The following HIVEP3 variants were observed in gnomAD, a reference collection of about 807,000 sequenced individuals.
HIVEP3 encodes the protein HIVEP zinc finger 3.
HIVEP3 carries 49 observed loss-of-function variants against 152.8 expected under a neutral mutation model. The ratio of observed to expected loss-of-function variants is 0.32; its 90% CI spans 0.26 to 0.41. HIVEP3 has a LOEUF of 0.41. Ranked by LOEUF, HIVEP3 falls within the 10% of genes least tolerant of loss-of-function variation. HIVEP3 has a pLI of 1.00. For missense variants in HIVEP3, 2,790 were observed against 3,103.3 expected (o/e 0.90, Z 2.40); for synonymous variants, 1,269 against 1,289.0 (o/e 0.98, Z 0.33).
chr1:41,977,285 C>T (rs1645265243), intron 1 of HIVEP3, among the ~76,000 whole-genome samples: 2 of 152,292 alleles, frequency 1.3e-5, no homozygotes, highest in South Asian at 4.1e-4. Flanking sequence ...CCTTCCATGG[C>T]TCCTCCAACT....
chr1:41,917,303 T>C (rs1234202704), intron 1 of HIVEP3, among the ~76,000 whole-genome samples: 1 of 151,264 alleles, frequency 6.6e-6, no homozygotes. Flanking sequence ...TCCTCTTCCC[T>C]CCCCCCGTAA....
chr1:41,773,909 T>A (rs1648528982), intron 1 of HIVEP3, among the ~76,000 whole-genome samples: 1 of 152,208 alleles, frequency 6.6e-6, no homozygotes, highest in East Asian at 1.9e-4. Context: ...GAAGGACAAG[T>A]CTTTGTGAAT....
At chr1:41,944,402 C>T (rs773524156) in intron 1 of HIVEP3, among the ~76,000 whole-genome samples, 2 of 152,158 alleles carry the variant, frequency 1.3e-5, no homozygotes, top group Non-Finnish European at 2.9e-5. Flanking sequence ...CTCTCCAGAG[C>T]CATTAAGGAT....
intron 1 of HIVEP3, among the ~76,000 whole-genome samples, chr1:41,768,459 CG>C (rs1198077567): frequency 6.6e-6 from 1 of 152,176 alleles, no homozygotes; most frequent in East Asian, 1.9e-4. Flanking sequence ...GGGACACAGC[CG>C]AACCATATCT....
chr1:41,539,725 C>T (rs1558041341), intron 5 of HIVEP3, among the ~76,000 whole-genome samples: 1 of 152,230 alleles, frequency 6.6e-6, no homozygotes, highest in Non-Finnish European at 1.5e-5. Flanking sequence ...ACACGCTTTC[C>T]GTAGGATATC....
chr1:41,717,901 G>A (rs1242996625), intron 1 of HIVEP3, among the ~76,000 whole-genome samples: 1 of 152,192 alleles, frequency 6.6e-6, no homozygotes, highest in Non-Finnish European at 1.5e-5. Flanking sequence ...GGCAGGCTCT[G>A]GCTGTGCTGG....
At chr1:41,725,759 T>C (rs575263324) in intron 1 of HIVEP3, among the ~76,000 whole-genome samples, 2 of 152,304 alleles carry the variant, frequency 1.3e-5, no homozygotes, top group Admixed American at 1.3e-4. Context: ...AGGTGTATTG[T>C]CCCCATTTTG....
At chr1:41,538,685 G>A (rs1019116895) in intron 5 of HIVEP3, among the ~76,000 whole-genome samples, 1 of 152,174 alleles carries the variant, frequency 6.6e-6, no homozygotes, top group East Asian at 1.9e-4. Flanking sequence ...AGAGGCCTAA[G>A]AGCCAGCAAG....
chr1:41,877,733 T>C (rs921913310), intron 1 of HIVEP3, among the ~76,000 whole-genome samples: 4 of 152,166 alleles, frequency 2.6e-5, no homozygotes, highest in Non-Finnish European at 5.9e-5. Context: ...ATTAAGTAGA[T>C]ATTTATAAGG....
At chr1:41,552,680 G>C (rs534946416) in intron 5 of HIVEP3, among the ~76,000 whole-genome samples, 1 of 151,464 alleles carries the variant, frequency 6.6e-6, no homozygotes, top group Non-Finnish European at 1.5e-5. Context: ...ATAAACATAC[G>C]TGTGCATGTG....
intron 2 of HIVEP3, among the ~76,000 whole-genome samples, chr1:41,652,683 T>TA (rs1316231940): frequency 6.6e-6 from 1 of 152,166 alleles, no homozygotes; most frequent in Non-Finnish European, 1.5e-5. Flanking sequence ...TCACCGGCCA[T>TA]TTCCACTGAC....
intron 2 of HIVEP3, among the ~76,000 whole-genome samples, chr1:41,646,562 C>A (rs1038681017): frequency 3.9e-5 from 6 of 152,144 alleles, no homozygotes; most frequent in African/African-American, 1.4e-4. Flanking sequence ...GTTCAAGGGT[C>A]TATGACCACT....
intron 1 of HIVEP3, among the ~76,000 whole-genome samples, chr1:41,867,909 T>C (rs1374237186): frequency 3.3e-5 from 5 of 151,608 alleles, no homozygotes; most frequent in Non-Finnish European, 7.4e-5. Context: ...CTGGACTCCC[T>C]GCTTCGATCT....
intron 2 of HIVEP3, among the ~76,000 whole-genome samples, chr1:41,631,759 C>A (rs1645198451): frequency 6.6e-6 from 1 of 152,184 alleles, no homozygotes; most frequent in Admixed American, 6.5e-5. Flanking sequence ...TCTCACTACT[C>A]TGTGGGTTTC....
At chr1:41,928,916 C>A (rs1302337125) in intron 1 of HIVEP3, among the ~76,000 whole-genome samples, 2 of 152,114 alleles carry the variant, frequency 1.3e-5, no homozygotes, top group African/African-American at 4.8e-5. Context: ...GAGGCTGAGG[C>A]AGGAGGATTG....
Position 41,555,460 on chromosome 1 carries a change from G to A in HIVEP3, c.5207+20084C>T, listed in dbSNP as rs148460838. Reference sequence around the variant, plus strand: ...TGACCCCTTGCACTTCCCGGGTGAGGCGATGCCCTGCCCTGCTTCAGCTCG... The same window carrying A: ...TGACCCCTTGCACTTCCCGGGTGAGACGATGCCCTGCCCTGCTTCAGCTCG... On this transcript the variant is annotated intron_variant, in intron 5 of 8. Transcript: ENST00000372583. Among the ~76,000 whole-genome samples, 542 of 152,326 alleles carry A rather than the reference G, an allele frequency of 3.6e-3. 2 individuals are homozygous for A. The highest frequency in any genetic ancestry group is 0.012 in the African/African-American group (504 of 41,558).
chr1:41,765,040 G>C (rs984659624), intron 1 of HIVEP3, among the ~76,000 whole-genome samples: 12 of 152,242 alleles, frequency 7.9e-5, no homozygotes, highest in African/African-American at 2.9e-4. Flanking sequence ...GCCAACCTCA[G>C]AGTGCACAGC....
At chr1:41,815,526 C>G (rs1446094268) in intron 1 of HIVEP3, among the ~76,000 whole-genome samples, 2 of 152,050 alleles carry the variant, frequency 1.3e-5, no homozygotes, top group Non-Finnish European at 2.9e-5. Context: ...GAAGGAACAA[C>G]AAGTACAAAG....
chr1:41,575,964 TTC>T (rs1644321690), intron 4 of HIVEP3, among the ~76,000 whole-genome samples: 1 of 152,212 alleles, frequency 6.6e-6, no homozygotes. Flanking sequence ...CCTGTGTTTG[TTC>T]TCTGTCTTTT....
Sources: allele counts gnomAD v4.1 joint callset (sites outside exome capture counted in the v4.1 genomes callset), GRCh38; gene constraint gnomAD v4.1.1; transcripts MANE v1.5; gene names NCBI Gene and HGNC (gene_info 2026-07-23, HGNC 2026-07-21).